The following ATG7 variants were observed in gnomAD, a reference collection of about 807,000 sequenced individuals.
ATG7 encodes the protein autophagy related 7, also known as ubiquitin-like modifier-activating enzyme ATG7.
A neutral mutation model predicts 82.4 loss-of-function variants in ATG7; 70 were observed. That is an observed-to-expected ratio of 0.85 (90% CI 0.70 to 1.04). ATG7 has a LOEUF of 1.04. Ranked by LOEUF, ATG7 falls within the 50% of genes least tolerant of loss-of-function variation. The pLI, the probability that ATG7 is intolerant of heterozygous loss-of-function variation, is 0.00. For missense variants in ATG7, 792 were observed against 864.3 expected (o/e 0.92, Z 1.05); for synonymous variants, 287 against 313.0 (o/e 0.92, Z 0.88).
chr3:11,297,317 C>T, intron 3 of ATG7, among the ~76,000 whole-genome samples: 1 of 152,120 alleles, frequency 6.6e-6, no homozygotes, highest in East Asian at 1.9e-4. Flanking sequence ...GAGATTGTGC[C>T]ACTGTACTGT....
intron 18 of ATG7, among the ~76,000 whole-genome samples, chr3:11,375,039 T>A (rs113753149): frequency 0.11 from 449 of 4,104 alleles, 9 homozygotes; most frequent in African/African-American, 0.42. Flanking sequence ...TCATCTCTCT[T>A]AAAAAAAAAA....
intron 20 of ATG7, among the ~76,000 whole-genome samples, chr3:11,469,484 A>G (rs2087198069): frequency 6.6e-6 from 1 of 152,108 alleles, no homozygotes; most frequent in African/African-American, 2.4e-5. Flanking sequence ...CATGCCACCA[A>G]CAAACCTACC....
downstream of ATG7, among the ~76,000 whole-genome samples, chr3:11,559,687 G>C (rs1454730342): frequency 6.6e-6 from 1 of 152,210 alleles, no homozygotes; most frequent in East Asian, 1.9e-4. Flanking sequence ...GATCAGTGAG[G>C]GTACAAAGGA....
intron 20 of ATG7, among the ~76,000 whole-genome samples, chr3:11,487,310 C>G (rs374812052): frequency 2.0e-5 from 1 of 49,554 alleles, no homozygotes; most frequent in Non-Finnish European, 5.2e-5. Flanking sequence ...TCCACAAAGC[C>G]GCCATTGTCA....
At chr3:11,529,434 T>C (rs2092651159) in intron 20 of ATG7, 1 of 152,386 alleles carries the variant, frequency 6.6e-6, no homozygotes, top group Admixed American at 6.5e-5. Flanking sequence ...AAACAGAGAA[T>C]TGTTTTAAGT....
chr3:11,561,853 C>T (rs1382291775), downstream of ATG7, among the ~76,000 whole-genome samples: 5 of 151,162 alleles, frequency 3.3e-5, no homozygotes, highest in African/African-American at 4.9e-5. Flanking sequence ...CACCACCTCT[C>T]CTATCTGAAA....
the ATG7 span, among the ~76,000 whole-genome samples, chr3:11,563,006 G>C: frequency 2.6e-5 from 4 of 152,232 alleles, no homozygotes; most frequent in South Asian, 2.1e-4. Context: ...AGAGAGTCAG[G>C]CCACTCTGTT....
Position 11,451,215 on chromosome 3 carries a change from T to G in ATG7, c.2079+24289T>G, listed in dbSNP as rs1009408912. 2.7e-5 allele frequency among the ~76,000 whole-genome samples: 4 copies of G among 146,672 alleles called. No individual in the cohort carries two copies. In the East Asian group the frequency reaches 5.9e-4, roughly 22 times the overall value. On this transcript the variant is annotated intron_variant, in intron 20 of 20. Coordinates refer to ENST00000693202, the MANE Select transcript of ATG7 (RefSeq NM_001349232.2). ...AAAATAGAAGTAAAGGTTGACACTTTTTTTTTTTTTTTTTTGAGATCTATA... is the reference window on the plus strand; with the variant it reads ...AAAATAGAAGTAAAGGTTGACACTTGTTTTTTTTTTTTTTTGAGATCTATA...
At chr3:11,527,059 GTGTGTGTGTGTGTA>G (rs1473337077) in intron 20 of ATG7, among the ~76,000 whole-genome samples, 23 of 106,638 alleles carry the variant, frequency 2.2e-4, no homozygotes, top group African/African-American at 7.5e-4. Context: ...GTGTGTGTGT[GTGTGTGTGTGTGTA>G]TATATATATA....
At chr3:11,434,491 A>T (rs557996984) in intron 20 of ATG7, among the ~76,000 whole-genome samples, 3 of 152,316 alleles carry the variant, frequency 2.0e-5, no homozygotes, top group East Asian at 3.9e-4. Flanking sequence ...CTCAAGACAC[A>T]GCCTTGGCCC....
rs1559578331 is a variant in ATG7, at chr3:11,417,805, A to ATTAT, written c.1957-8997_1957-8996insATTT. Among the ~76,000 whole-genome samples, 62 of 52,726 alleles carry ATTAT rather than the reference A, an allele frequency of 1.2e-3. 1 individual carries two copies. Among genetic ancestry groups the ATTAT allele is most frequent in the South Asian group, 6.4e-3 (9 of 1,410 alleles). The allele number at this position is 52,726 out of a possible 152,430, so 34.6% of individuals were successfully genotyped here. A position where few individuals can be genotyped will look rare whatever the true frequency, so the allele number is the denominator to read the frequency against. On this transcript the variant is annotated intron_variant, in intron 19 of 20. Coordinates refer to ENST00000693202, the MANE Select transcript of ATG7 (RefSeq NM_001349232.2). ...AAAAAATTATTATTATTATTATTTTATTTTATTTTATTTTTTTTTTTTTTG... is the reference window on the plus strand; with the variant it reads ...AAAAAATTATTATTATTATTATTTTATTATTTTTATTTTATTTTTTTTTTTTTTG...
chr3:11,456,915 G>A (rs1273323574), intron 20 of ATG7, among the ~76,000 whole-genome samples: 7 of 152,170 alleles, frequency 4.6e-5, no homozygotes, highest in Admixed American at 2.0e-4. Flanking sequence ...CACCTCTCAG[G>A]TGTGACCATT....
In ATG7 at chr3:11,556,717, T is replaced by C. The variant is rs902262887; in HGVS notation, c.*1874T>C. 1 of 152,786 alleles carries C rather than the reference T, an allele frequency of 6.5e-6. No individual in the cohort carries two copies. The highest frequency in any genetic ancestry group is 1.5e-5 in the Non-Finnish European group (1 of 68,044). The allele number at this position is 152,786 out of a possible 1,614,324, so 9.5% of individuals were successfully genotyped here. On this transcript the variant is annotated 3_prime_UTR_variant, in exon 21 of 21. Transcript: ENST00000693202. ...AAATTAATGTTCTTCAAAAAATACC[T>C]ACAAATTTCTCTGTACATTCTTTAC...
chr3:11,573,663 G>C, the ATG7 span, among the ~76,000 whole-genome samples: 551 of 152,314 alleles, frequency 3.6e-3, 6 homozygotes, highest in Admixed American at 7.7e-3. Flanking sequence ...ACTCCTTCTT[G>C]TTGTTTTAAT....
downstream of ATG7, chr3:11,558,619 G>T: frequency 6.2e-7 from 1 of 1,607,998 alleles, no homozygotes. Context: ...TGGCGGGCTG[G>T]CCCCTGCGAG....
chr3:11,453,303 C>G (rs955356644), intron 20 of ATG7, among the ~76,000 whole-genome samples: 1 of 152,178 alleles, frequency 6.6e-6, no homozygotes. Flanking sequence ...CACCTAGAAG[C>G]AAGCCAAGTA....
At chr3:11,359,274 G>A (rs1201350460) in intron 15 of ATG7, among the ~76,000 whole-genome samples, 1 of 152,058 alleles carries the variant, frequency 6.6e-6, no homozygotes, top group Non-Finnish European at 1.5e-5. Flanking sequence ...TGAGCTGCGG[G>A]TTGTGAGTGA....
chr3:11,547,070 T>C (rs1406728401), intron 20 of ATG7, among the ~76,000 whole-genome samples: 2 of 152,206 alleles, frequency 1.3e-5, no homozygotes, highest in African/African-American at 2.4e-5. Context: ...TGGGCACCTA[T>C]TGTGCATTTG....
rs10666472 is a variant in ATG7 at position 11,372,851 on chromosome 3, CGTGT to C, written c.1876-7111_1876-7108del. ...GCGTGTGTGTGCGTGCGTGCGTGTG[CGTGT>C]GTGTGTGTGAAATCGGCCATGTTTT... is the stretch of plus-strand genomic sequence containing the variant. On this transcript the variant is annotated intron_variant, in intron 18 of 20. Coordinates refer to ENST00000693202, the MANE Select transcript of ATG7 (RefSeq NM_001349232.2). Among the ~76,000 whole-genome samples the C allele has an allele frequency of 1.1e-4, 9 of 83,348 alleles. 1 individual carries two copies. The highest frequency in any genetic ancestry group is 3.2e-4 in the Non-Finnish European group (8 of 25,138). 54.7% of individuals were successfully genotyped at this position (83,348 alleles called of 152,430 possible). A position where few individuals can be genotyped will look rare whatever the true frequency, so the allele number is the denominator to read the frequency against.
Sources: gnomAD v4.1 joint callset for allele counts (sites outside exome capture counted in the v4.1 genomes callset) on GRCh38, gnomAD v4.1.1 for gene constraint, MANE v1.5 for transcripts, NCBI Gene and HGNC (gene_info 2026-07-23, HGNC 2026-07-21) for gene names.